The following NREP variants were observed in gnomAD, a reference collection of about 807,000 sequenced individuals.
NREP encodes neuronal regeneration-related protein.
NREP carries 5 observed loss-of-function variants against 8.6 expected under a neutral mutation model. That is an observed-to-expected ratio of 0.58 (90% CI 0.30 to 1.22). NREP has a LOEUF of 1.22. Ranked by LOEUF, NREP falls within the 50% of genes most tolerant of loss-of-function variation. The pLI, the probability that NREP is intolerant of heterozygous loss-of-function variation, is 0.07. For missense variants in NREP, 86 were observed against 82.5 expected (o/e 1.04, Z -0.17); for synonymous variants, 27 against 28.0 (o/e 0.96, Z 0.11).
At chr5:111,879,212 T>C (rs1464637435) in intron 2 of NREP, among the ~76,000 whole-genome samples, 1 of 152,166 alleles carries the variant, frequency 6.6e-6, no homozygotes, top group East Asian at 1.9e-4. Context: ...GAGTATAAGC[T>C]TGCTGGGGCC....
At chr5:111,742,925 G>T (rs1302202872) in intron 2 of NREP, among the ~76,000 whole-genome samples, 3 of 152,260 alleles carry the variant, frequency 2.0e-5, no homozygotes, top group Non-Finnish European at 4.4e-5. Context: ...CCCTTGGACT[G>T]GAGGTCAGCC....
chr5:111,850,820 C>A (rs1322267355), intron 2 of NREP, among the ~76,000 whole-genome samples: 1 of 152,126 alleles, frequency 6.6e-6, no homozygotes, highest in African/African-American at 2.4e-5. Context: ...TTGATCACAC[C>A]AGTTCCCTAA....
chr5:111,822,752 G>A (rs200786033), intron 2 of NREP, among the ~76,000 whole-genome samples: 1 of 76,526 alleles, frequency 1.3e-5, no homozygotes, highest in South Asian at 3.3e-4. Flanking sequence ...ACAATTAACA[G>A]AAAATAATTG....
At chr5:111,819,567 G>A (rs762386350) in intron 2 of NREP, among the ~76,000 whole-genome samples, 1 of 152,206 alleles carries the variant, frequency 6.6e-6, no homozygotes, top group Non-Finnish European at 1.5e-5. Flanking sequence ...CTATGAAGTT[G>A]CCATGAATAC....
At chr5:111,969,840 G>A (rs1467412614) in intron 2 of NREP, among the ~76,000 whole-genome samples, 1 of 152,170 alleles carries the variant, frequency 6.6e-6, no homozygotes, top group African/African-American at 2.4e-5. Context: ...AAAGCTGAGG[G>A]TCACTGGGTA....
At chr5:111,882,644 C>T (rs1157717108) in intron 2 of NREP, among the ~76,000 whole-genome samples, 1 of 152,192 alleles carries the variant, frequency 6.6e-6, no homozygotes, top group South Asian at 2.1e-4. Context: ...GGCAGAAACT[C>T]TACAAGCCAG....
chr5:111,734,668 A>T, intron 3 of NREP: 1 of 687,860 alleles, frequency 1.5e-6, no homozygotes, highest in East Asian at 2.7e-5. Flanking sequence ...GGGAGGACTC[A>T]CCGTTAGTCA....
chr5:111,887,067 G>T (rs1581192853), intron 2 of NREP, among the ~76,000 whole-genome samples: 1 of 151,802 alleles, frequency 6.6e-6, no homozygotes, highest in South Asian at 2.1e-4. Context: ...GGGACTACAG[G>T]TGCATGCCAC....
At chr5:111,774,727 C>G (rs1751317263) in intron 2 of NREP, among the ~76,000 whole-genome samples, 1 of 152,182 alleles carries the variant, frequency 6.6e-6, no homozygotes, top group African/African-American at 2.4e-5. Flanking sequence ...TGCCAACAAC[C>G]TGAATGAATT....
chr5:111,782,430 G>C (rs1049939358), intron 2 of NREP, among the ~76,000 whole-genome samples: 1 of 152,208 alleles, frequency 6.6e-6, no homozygotes, highest in African/African-American at 2.4e-5. Context: ...GCAAGCCTCA[G>C]AGATGTGATC....
At chr5:111,893,363 C>A (rs572109647) in intron 2 of NREP, among the ~76,000 whole-genome samples, 1 of 152,112 alleles carries the variant, frequency 6.6e-6, no homozygotes, top group African/African-American at 2.4e-5. Context: ...AGAAATAGTG[C>A]AGTTATTTCA....
At chr5:111,963,572 A>G (rs1261083650) in intron 2 of NREP, among the ~76,000 whole-genome samples, 1 of 152,246 alleles carries the variant, frequency 6.6e-6, no homozygotes, top group Non-Finnish European at 1.5e-5. Flanking sequence ...AGGGCTTTCT[A>G]CTAGCCATGC....
At chr5:111,735,372 A>T in intron 3 of NREP, 58 bp downstream of exon 3, 1 of 1,222,660 alleles carries the variant, frequency 8.2e-7, no homozygotes, top group Non-Finnish European at 1.2e-6. Context: ...CTGATATTTT[A>T]AAACAATTGT....
chr5:111,934,080 C>T (rs928167465), intron 2 of NREP, among the ~76,000 whole-genome samples: 5 of 151,996 alleles, frequency 3.3e-5, no homozygotes, highest in Non-Finnish European at 5.9e-5. Context: ...AAATAGTATG[C>T]AGAGGAGGGA....
chr5:111,877,645 A>T (rs1445450480), intron 2 of NREP, among the ~76,000 whole-genome samples: 1 of 152,232 alleles, frequency 6.6e-6, no homozygotes, highest in African/African-American at 2.4e-5. Context: ...AGCCTTAAAG[A>T]AGCAACTGGA....
chr5:111,975,158 G>A (rs901287357), intron 2 of NREP: 8 of 695,428 alleles, frequency 1.2e-5, no homozygotes, highest in Admixed American at 2.5e-5. Flanking sequence ...AGGCTTTCAC[G>A]GGGCAATGGT....
intron 2 of NREP, among the ~76,000 whole-genome samples, chr5:111,787,826 C>T (rs777054152): frequency 3.3e-5 from 5 of 152,084 alleles, no homozygotes; most frequent in Non-Finnish European, 5.9e-5. Flanking sequence ...GGCCAGGCAT[C>T]GTGGCTCATG....
chr5:111,761,683 G>C (rs149807052), upstream of NREP, among the ~76,000 whole-genome samples: 1,313 of 152,190 alleles, frequency 8.6e-3, 12 homozygotes, highest in Non-Finnish European at 0.014. Flanking sequence ...CCTTCTCAAC[G>C]AAATCTTGAT....
chr5:111,970,005 A>T (rs1052993536), intron 2 of NREP, among the ~76,000 whole-genome samples: 13 of 152,224 alleles, frequency 8.5e-5, no homozygotes, highest in African/African-American at 2.7e-4. Flanking sequence ...ACAAAATCTA[A>T]TAATAGAATT....
Sources: gnomAD v4.1 joint callset for allele counts (sites outside exome capture counted in the v4.1 genomes callset) on GRCh38, gnomAD v4.1.1 for gene constraint, MANE v1.5 for transcripts, NCBI Gene and HGNC (gene_info 2026-07-23, HGNC 2026-07-21) for gene names.